The following ENDOD1 variants were observed in gnomAD, a reference collection of about 807,000 sequenced individuals.
ENDOD1 encodes the protein endonuclease domain-containing 1 protein.
Under a neutral mutation model 6.5 loss-of-function variants are expected in ENDOD1, and 9 were observed. The observed-to-expected ratio is 1.39, with a 90% confidence interval of 0.84 to 2.43. ENDOD1 has a LOEUF of 2.43. Among genes scored for constraint, ENDOD1 ranks in the 30% most tolerant of loss-of-function variants. The pLI, the probability that ENDOD1 is intolerant of heterozygous loss-of-function variation, is 0.00. For synonymous variants in ENDOD1, 255 were observed against 255.2 expected, an observed-to-expected ratio of 1.00 and a Z score of 0.01; for missense variants, 648 against 635.5, an observed-to-expected ratio of 1.02 and a Z score of -0.21.
chr11:95,104,989 G>A (rs1859075719), intron 1 of ENDOD1, among the ~76,000 whole-genome samples: 1 of 152,204 alleles, frequency 6.6e-6, no homozygotes, highest in South Asian at 2.1e-4. Context: ...GCCCTTGGTT[G>A]TGACTGGCAT....
At chr11:95,111,128 C>T (rs1336295639) in intron 1 of ENDOD1, among the ~76,000 whole-genome samples, 1 of 152,204 alleles carries the variant, frequency 6.6e-6, no homozygotes, top group Admixed American at 6.5e-5. Context: ...CTCCTCCTCC[C>T]TCCTCAGTGA....
intron 1 of ENDOD1, among the ~76,000 whole-genome samples, chr11:95,112,359 G>A: frequency 6.6e-6 from 1 of 151,832 alleles, no homozygotes; most frequent in East Asian, 1.9e-4. Flanking sequence ...CAGAGAAGCT[G>A]GGCTTAAGCC....
intron 1 of ENDOD1, among the ~76,000 whole-genome samples, chr11:95,097,086 T>G (rs1156471918): frequency 4.8e-5 from 7 of 144,910 alleles, no homozygotes; most frequent in Non-Finnish European, 7.5e-5. Context: ...GCCTGGGAGG[T>G]AGAGGCTGTG....
In ENDOD1 at chr11:95,123,714, A is replaced by T. The variant is rs193192004; in HGVS notation, c.301-4663A>T. Among the ~76,000 whole-genome samples the T allele has an allele frequency of 2.0e-4, 30 of 152,346 alleles. No homozygotes were observed. The East Asian group carries it at 5.2e-3, about 26-fold the overall frequency. On this transcript the variant is annotated intron_variant, in intron 1 of 1. Transcript: ENST00000278505. ...TTAAGCCTGAGACAATGGAGAAAAC[A>T]TCTGGTCAACTGAGCAGATGTGGAA...
intron 1 of ENDOD1, among the ~76,000 whole-genome samples, chr11:95,108,811 C>T (rs2134167263): frequency 6.6e-6 from 1 of 152,240 alleles, no homozygotes; most frequent in Non-Finnish European, 1.5e-5. Context: ...AGTAGGTTCT[C>T]CTAGGACTCA....
At chr11:95,126,852 T>C (rs681476) in intron 1 of ENDOD1, among the ~76,000 whole-genome samples, 64,076 of 151,750 alleles carry the variant, frequency 0.42, 13,860 homozygotes, top group East Asian at 0.68. Context: ...AGCTAATTTT[T>C]TGAATTTTTT....
intron 1 of ENDOD1, among the ~76,000 whole-genome samples, chr11:95,098,420 T>C (rs1555110538): frequency 6.6e-6 from 1 of 152,188 alleles, no homozygotes; most frequent in East Asian, 1.9e-4. Context: ...CCTCCTTGGT[T>C]GTTGTGATTG....
chr11:95,118,818 C>G (rs1859235594), intron 1 of ENDOD1, among the ~76,000 whole-genome samples: 1 of 152,164 alleles, frequency 6.6e-6, no homozygotes, highest in African/African-American at 2.4e-5. Flanking sequence ...AGGCTATTTT[C>G]TAGATCTTGT....
At chr11:95,127,674 C>G (rs902328750) in intron 1 of ENDOD1, among the ~76,000 whole-genome samples, 1 of 152,262 alleles carries the variant, frequency 6.6e-6, no homozygotes, top group East Asian at 1.9e-4. Context: ...TTGAGATCTA[C>G]TCTCCCCTTG....
In ENDOD1 at chr11:95,128,608, C is replaced by T; in HGVS notation, c.532C>T (p.Leu178Phe). 1 of 1,614,212 alleles carries T rather than the reference C, an allele frequency of 6.2e-7. No homozygotes were observed. Among genetic ancestry groups the T allele is most frequent in the South Asian group, 1.1e-5 (1 of 91,078 alleles). ...CTTCCAGGAACGGTGGTATGTGAAT[C>T]TCCACAGCCTAATGGACCGGGCTTT... ...QSFQERWYVN[L>F]HSLMDRALTP... The change falls in exon 2 of 2, where the codon CTC becomes TTC. Residue 178 changes from leucine (L) to phenylalanine (F), a missense_variant. Leu to Phe is a conservative substitution (Grantham distance 22). Coordinates refer to ENST00000278505, the MANE Select transcript of ENDOD1 (RefSeq NM_015036.3).
At chr11:95,090,343 G>C (rs1206350080) in intron 1 of ENDOD1, 116 bp downstream of exon 1, 4 of 1,287,244 alleles carry the variant, frequency 3.1e-6, no homozygotes, top group Non-Finnish European at 3.0e-6. Flanking sequence ...CTACGCCTTC[G>C]GTGCCTTGGG....
Position 95,129,413 on chromosome 11 carries a change from G to T in ENDOD1, c.1337G>T (p.Gly446Val), listed in dbSNP as rs3740861. ...DVATFPVYTM[G>V]AIPIVCKDIA... is the part of the protein sequence containing the mutation. ...GCCACTTTCCCTGTGTACACCATGGGCGCTATTCCAATTGTTTGCAAGGAC... is the reference window on the plus strand; with the variant it reads ...GCCACTTTCCCTGTGTACACCATGGTCGCTATTCCAATTGTTTGCAAGGAC... The change falls in exon 2 of 2, where the codon GGC becomes GTC. Residue 446 changes from glycine to valine, a missense_variant. Gly to Val is a moderately radical substitution (Grantham distance 109). Coordinates refer to ENST00000278505, the MANE Select transcript of ENDOD1 (RefSeq NM_015036.3). The T allele has an allele frequency of 0.28, 449,212 of 1,613,868 alleles. 64,821 individuals are homozygous for T. Among genetic ancestry groups the T allele is most frequent in the South Asian group, 0.34 (30,724 of 91,082 alleles).
chr11:95,112,208 C>G (rs548052726), intron 1 of ENDOD1, among the ~76,000 whole-genome samples: 1 of 152,204 alleles, frequency 6.6e-6, no homozygotes, highest in South Asian at 2.1e-4. Context: ...ACAACTGATT[C>G]TCCTTATAGC....
intron 1 of ENDOD1, among the ~76,000 whole-genome samples, chr11:95,096,227 C>CATTTTT (rs1858982270): frequency 2.0e-5 from 1 of 49,964 alleles, no homozygotes; most frequent in African/African-American, 8.3e-5. Flanking sequence ...GTCAAGAAAG[C>CATTTTT]TTTTTTTTTT....
chr11:95,093,775 C>T (rs1858953784), intron 1 of ENDOD1, among the ~76,000 whole-genome samples: 1 of 152,180 alleles, frequency 6.6e-6, no homozygotes, highest in Non-Finnish European at 1.5e-5. Context: ...TGGCCAGCAG[C>T]AACTGTTACA....
chr11:95,111,933 C>T (rs1463315970), intron 1 of ENDOD1, among the ~76,000 whole-genome samples: 1 of 152,174 alleles, frequency 6.6e-6, no homozygotes, highest in African/African-American at 2.4e-5. Flanking sequence ...GCTTATCTCT[C>T]AAGGCCGAGG....
chr11:95,129,362 T>C lies in ENDOD1; in HGVS notation c.1286T>C (p.Ile429Thr). 1.9e-6 allele frequency: 3 copies of C among 1,614,206 alleles called. No individual in the cohort carries two copies. The highest frequency in any genetic ancestry group is 2.5e-6 in the Non-Finnish European group (3 of 1,180,034). The change falls in exon 2 of 2, where the codon ATC (isoleucine) becomes ACC (threonine). Residue 429 changes from isoleucine (I) to threonine (T), a missense_variant. Coordinates refer to ENST00000278505, the MANE Select transcript of ENDOD1 (RefSeq NM_015036.3). ...LLKAICRVLS[I>T]PVRVLVDVAT... ...AAGGCCATTTGCCGAGTTCTGAGCATCCCTGTCCGTGTCCTTGTGGATGTG... is the reference window on the plus strand; with the variant it reads ...AAGGCCATTTGCCGAGTTCTGAGCACCCCTGTCCGTGTCCTTGTGGATGTG...
At position 95,130,135 on chromosome 11, in the gene ENDOD1, A is replaced by G. The variant is rs1459593752; in HGVS notation, c.*556A>G. The G allele has an allele frequency of 1.3e-5, 2 of 152,364 alleles. No individual in the cohort carries two copies. The highest frequency in any genetic ancestry group is 4.8e-5 in the African/African-American group (2 of 41,446). The allele number at this position is 152,364 out of a possible 1,614,324, so 9.4% of individuals were successfully genotyped here. A position where few individuals can be genotyped will look rare whatever the true frequency, so the allele number is the denominator to read the frequency against. On this transcript the variant is annotated 3_prime_UTR_variant, in exon 2 of 2. Coordinates refer to ENST00000278505, the MANE Select transcript of ENDOD1 (RefSeq NM_015036.3). ...ACTTTGTGGGAATGTACAATTTTCT[A>G]TATCTCTTAGCTTTCCGTGGTTCTC...
At chr11:95,103,096 AGTGGGTGTGTGTGTGT>A (rs1354485580) in intron 1 of ENDOD1, among the ~76,000 whole-genome samples, 839 of 56,518 alleles carry the variant, frequency 0.015, 4 homozygotes, top group African/African-American at 0.041. Context: ...AACTAGGCAG[AGTGGGTGTGTGTGTGT>A]GTGTGTGTGT....
Sources: allele counts gnomAD v4.1 joint callset (sites outside exome capture counted in the v4.1 genomes callset), GRCh38; gene constraint gnomAD v4.1.1; transcripts MANE v1.5; gene names NCBI Gene and HGNC (gene_info 2026-07-23, HGNC 2026-07-21).